PTPRN2: variants seen among roughly 807,000 people sequenced by gnomAD.
PTPRN2 encodes the protein receptor-type tyrosine-protein phosphatase N2.
A neutral mutation model predicts 118.8 loss-of-function variants in PTPRN2; 74 were observed. The ratio of observed to expected loss-of-function variants is 0.62; its 90% CI spans 0.52 to 0.76. The LOEUF (loss-of-function observed/expected upper bound fraction) is 0.76, where lower values mean the gene tolerates loss of function less well. Among genes scored for constraint, PTPRN2 ranks in the 30% least tolerant of loss-of-function variants. The pLI is 0.00. For synonymous variants in PTPRN2, 641 were observed against 608.0 expected (o/e 1.05, Z -0.80); for missense variants, 1,481 against 1,394.4 (o/e 1.06, Z -0.99).
intron 2 of PTPRN2, among the ~76,000 whole-genome samples, chr7:158,319,426 ACACACACACAGCCTCCCTCACACACG>A (rs1802645534): frequency 1.7e-5 from 2 of 115,770 alleles, no homozygotes; most frequent in African/African-American, 3.3e-5. Context: ...TCCCACACAC[ACACACACACAGCCTCCCTCACACACG>A]CACACAGCCT....
At chr7:158,256,121 G>A (rs895640595) in intron 3 of PTPRN2, among the ~76,000 whole-genome samples, 8 of 152,304 alleles carry the variant, frequency 5.3e-5, no homozygotes, top group Non-Finnish European at 1.2e-4. Flanking sequence ...ACCTTCGGGG[G>A]AGGCCTGCCT....
chr7:157,740,475 C>T (rs1037267151), intron 12 of PTPRN2: 5 of 148,168 alleles, frequency 3.4e-5, no homozygotes, highest in African/African-American at 1.3e-4. Flanking sequence ...CCGTCTCCCT[C>T]CGTCCACGGC....
intron 3 of PTPRN2, among the ~76,000 whole-genome samples, chr7:158,218,948 A>G (rs1828150256): frequency 6.6e-6 from 1 of 152,134 alleles, no homozygotes; most frequent in Non-Finnish European, 1.5e-5. Context: ...GTTCTTAGAG[A>G]CCTATAAAGA....
intron 12 of PTPRN2, among the ~76,000 whole-genome samples, chr7:157,823,464 A>C (rs932443798): frequency 3.3e-5 from 5 of 152,258 alleles, no homozygotes; most frequent in Admixed American, 3.3e-4. Flanking sequence ...CAATCAGTGA[A>C]TCACTAATCT....
At chr7:158,334,111 GTCAC>G (rs2151178951) in intron 2 of PTPRN2, among the ~76,000 whole-genome samples, 1 of 17,788 alleles carries the variant, frequency 5.6e-5, no homozygotes, top group Non-Finnish European at 1.1e-4. Context: ...ACCTGCAGAC[GTCAC>G]TCACACCCAC....
chr7:157,927,072 T>G (rs113303923), intron 11 of PTPRN2, among the ~76,000 whole-genome samples: 3 of 111,488 alleles, frequency 2.7e-5, no homozygotes, highest in Non-Finnish European at 4.0e-5. Context: ...CCTCGCATCT[T>G]CTGGGACCCC....
In PTPRN2 at chr7:157,621,475, C is replaced by T. The variant is rs377704440; in HGVS notation, c.2231G>A (p.Arg744Gln). The T allele has an allele frequency of 1.5e-5, 25 of 1,613,768 alleles. No homozygotes were observed. Among genetic ancestry groups the T allele is most frequent in the East Asian group, 6.7e-5 (3 of 44,902 alleles). ...YMEDHLKNKN[R>Q]LEKEWEALCA... ...CAGCGCTTCCCACTCCTTCTCCAGC[C>T]GGTTCTTGTTCTTCAGGTGGTCCTC... Residue 744 changes from arginine to glutamine, a missense_variant, in exon 15 of 23, where the codon CGG becomes CAG. By Grantham distance (43) the Arg-to-Gln change is conservative. This residue lies in a region of PTPRN2 where 362 missense variants were observed against 384.1 expected (regional missense o/e 0.94). Transcript: ENST00000389418.
intron 7 of PTPRN2, among the ~76,000 whole-genome samples, chr7:158,137,741 G>T (rs537729054): frequency 2.0e-5 from 3 of 152,206 alleles, no homozygotes; most frequent in Non-Finnish European, 4.4e-5. Flanking sequence ...CGTACTTGTG[G>T]GGCTGCCATG....
intron 9 of PTPRN2, among the ~76,000 whole-genome samples, chr7:158,112,728 A>G (rs548557088): frequency 2.0e-5 from 3 of 151,934 alleles, no homozygotes; most frequent in East Asian, 3.9e-4. Context: ...CAAAGGCCCC[A>G]GCGGGGCATC....
At position 158,493,810 on chromosome 7, in the gene PTPRN2, C is replaced by T. The variant is rs1440008987; in HGVS notation, c.113-4025G>A. On this transcript the variant is annotated intron_variant, in intron 1 of 22. Transcript: ENST00000389418. ...TCACAGGCACACTCATGCCTGCACA[C>T]ATACACGCACACCTGCATGCATACA... Among the ~76,000 whole-genome samples, 3 of 139,680 alleles carry T rather than the reference C, an allele frequency of 2.1e-5. 1 individual carries two copies. The highest frequency in any genetic ancestry group is 7.9e-5 in the African/African-American group (3 of 37,824). 91.6% of individuals were successfully genotyped at this position (139,680 alleles called of 152,430 possible).
chr7:157,866,837 C>A (rs1243725689), intron 12 of PTPRN2, among the ~76,000 whole-genome samples: 2 of 129,816 alleles, frequency 1.5e-5, no homozygotes, highest in South Asian at 2.8e-4. Context: ...ACCGCCCCCC[C>A]CCGACGCCCT....
intron 1 of PTPRN2, among the ~76,000 whole-genome samples, chr7:158,494,873 C>A (rs1821713417): frequency 1.3e-5 from 2 of 152,166 alleles, no homozygotes; most frequent in Non-Finnish European, 2.9e-5. Context: ...CAGATTTCCT[C>A]ATCTAAAAAA....
Position 158,443,853 on chromosome 7 carries a change from C to G in PTPRN2, c.163+45882G>C, listed in dbSNP as rs548705769. On this transcript the variant is annotated intron_variant, in intron 2 of 22. Coordinates refer to ENST00000389418, the MANE Select transcript of PTPRN2 (RefSeq NM_002847.5). ...CGGTGTCAGAGTGGACTGTTGGCCA[C>G]CAGCAACGGGGCTGCCTGGGACGGC... Among the ~76,000 whole-genome samples, 6 of 152,264 alleles carry G rather than the reference C, an allele frequency of 3.9e-5. No individual in the cohort carries two copies. In the South Asian group the frequency reaches 1.2e-3, roughly 32 times the overall value.
intron 12 of PTPRN2, among the ~76,000 whole-genome samples, chr7:157,688,358 A>G (rs10266233): frequency 0.23 from 35,671 of 152,190 alleles, 4,921 homozygotes; most frequent in South Asian, 0.37. Flanking sequence ...CAAAGGGGGA[A>G]GCACCCTTGT....
chr7:158,150,573 G>C (rs1820885517), intron 6 of PTPRN2, among the ~76,000 whole-genome samples: 1 of 151,966 alleles, frequency 6.6e-6, no homozygotes. Flanking sequence ...ATTTCTAGAA[G>C]GTCAAGGAGC....
At chr7:158,124,938 AAG>A (rs2150403458) in intron 9 of PTPRN2, among the ~76,000 whole-genome samples, 1 of 152,352 alleles carries the variant, frequency 6.6e-6, no homozygotes, top group African/African-American at 2.4e-5. Flanking sequence ...GCTGGTGCGC[AAG>A]AGAGAAGGCC....
At chr7:157,867,864 A>T (rs755425316) in intron 12 of PTPRN2, among the ~76,000 whole-genome samples, 2 of 152,204 alleles carry the variant, frequency 1.3e-5, no homozygotes, top group African/African-American at 4.8e-5. Flanking sequence ...TCCAATCCAC[A>T]GTCCGTGAGC....
At chr7:157,722,005 C>A (rs937466364) in intron 12 of PTPRN2, among the ~76,000 whole-genome samples, 7 of 152,220 alleles carry the variant, frequency 4.6e-5, no homozygotes, top group Admixed American at 1.3e-4. Flanking sequence ...TGGTGCTCGG[C>A]CGCAAAAGCG....
Position 158,176,119 on chromosome 7 carries a change from C to T in PTPRN2, c.550-8828G>A, listed in dbSNP as rs967753079. 3.3e-5 allele frequency among the ~76,000 whole-genome samples: 5 copies of T among 152,176 alleles called. No individual in the cohort carries two copies. In the South Asian group the frequency reaches 6.2e-4, roughly 19 times the overall value. ...CTGTCACTCTTCTGGCTCCTGTTTG[C>T]GTTTTGGCCTTTCCAGAAGCTGCAC... is the stretch of plus-strand genomic sequence containing the variant. On this transcript the variant is annotated intron_variant, in intron 5 of 22. Coordinates refer to ENST00000389418, the MANE Select transcript of PTPRN2 (RefSeq NM_002847.5).
Sources: gnomAD v4.1 joint callset for allele counts (sites outside exome capture counted in the v4.1 genomes callset) on GRCh38, gnomAD v4.1.1 for gene constraint, gnomAD v4.1.1 regional missense constraint, MANE v1.5 for transcripts, NCBI Gene and HGNC (gene_info 2026-07-23, HGNC 2026-07-21) for gene names.